The following NRG2 variants were observed in gnomAD, a reference collection of about 807,000 sequenced individuals.
NRG2 encodes pro-neuregulin-2, membrane-bound isoform.
In NRG2, 27 loss-of-function variants were observed where a neutral mutation model predicts 73.9. That is an observed-to-expected ratio of 0.37 (90% CI 0.27 to 0.50). NRG2 has a LOEUF of 0.50. Among genes scored for constraint, NRG2 ranks in the 20% least tolerant of loss-of-function variants. The pLI is 0.96. For synonymous variants in NRG2, 532 were observed against 541.0 expected (o/e 0.98, Z 0.23); for missense variants, 1,126 against 1,210.1 (o/e 0.93, Z 1.03).
At position 139,904,364 on chromosome 5, in the gene NRG2, C is replaced by G. The variant is rs531824840; in HGVS notation, c.701-16853G>C. ...TTCCTCCCCTCTGGGTGCTTCTTGCCGCGGCCGCGGCCCCTCCTCCTGGAC... is the reference window on the plus strand; with the variant it reads ...TTCCTCCCCTCTGGGTGCTTCTTGCGGCGGCCGCGGCCCCTCCTCCTGGAC... On this transcript the variant is annotated intron_variant, in intron 1 of 9. Coordinates refer to ENST00000361474, the MANE Select transcript of NRG2 (RefSeq NM_004883.3). This position sits in a 1 kb window ranked among gnomAD's most constrained non-coding sequence, Gnocchi z 6.0. 7.4e-5 allele frequency: 117 copies of G among 1,587,642 alleles called. No homozygotes were observed. In the South Asian group the frequency reaches 1.2e-3, roughly 16 times the overall value.
rs190131461 is a variant in NRG2, at chr5:139,962,074, C to T, written c.701-74563G>A. Among the ~76,000 whole-genome samples, 66 of 152,294 alleles carry T rather than the reference C, an allele frequency of 4.3e-4. 3 individuals carry two copies. In the East Asian group the frequency reaches 0.012, roughly 27 times the overall value. ...GCACACACAGTGGTCACCTGATTGC[C>T]TCTTCTACTCTATCTGTCTCCCTGG... On this transcript the variant is annotated intron_variant, in intron 1 of 9. Coordinates refer to ENST00000361474, the MANE Select transcript of NRG2 (RefSeq NM_004883.3).
At position 139,865,914 on chromosome 5, in the gene NRG2, A is replaced by G. The variant is rs1433473880; in HGVS notation, c.1113-289T>C. Reference sequence around the variant, plus strand: ...AAGATGGGAAATTGTCCTACTGGTCATTGAGACTTTCCTTCTTACCTGCCT... The same window carrying G: ...AAGATGGGAAATTGTCCTACTGGTCGTTGAGACTTTCCTTCTTACCTGCCT... On this transcript the variant is annotated intron_variant, in intron 4 of 9. Transcript: ENST00000361474. This position sits in a 1 kb window ranked among gnomAD's most constrained non-coding sequence, Gnocchi z 5.2. Among the ~76,000 whole-genome samples, 1 of 152,200 alleles carries G rather than the reference A, an allele frequency of 6.6e-6. No individual in the cohort carries two copies. Among genetic ancestry groups the G allele is most frequent in the Non-Finnish European group, 1.5e-5 (1 of 68,026 alleles).
At chr5:139,956,919 T>C (rs1754667189) in intron 1 of NRG2, among the ~76,000 whole-genome samples, 1 of 152,166 alleles carries the variant, frequency 6.6e-6, no homozygotes, top group Non-Finnish European at 1.5e-5. Context: ...GGCTACCATC[T>C]GGAGAAGATG....
At chr5:140,014,967 G>A (rs1759655039) in intron 1 of NRG2, among the ~76,000 whole-genome samples, 1 of 152,102 alleles carries the variant, frequency 6.6e-6, no homozygotes, top group East Asian at 1.9e-4. Context: ...CCCCAAACAT[G>A]CCAGGCATGC....
chr5:139,886,748 C>T (rs1186841653), intron 2 of NRG2, among the ~76,000 whole-genome samples: 1 of 152,192 alleles, frequency 6.6e-6, no homozygotes, highest in Admixed American at 6.5e-5. Context: ...CCTAGAGACT[C>T]AGGGAACTTC....
In NRG2 at chr5:140,016,910, G is replaced by A. The variant is rs183545361; in HGVS notation, c.700+25460C>T. Among the ~76,000 whole-genome samples, 330 of 152,330 alleles carry A rather than the reference G, an allele frequency of 2.2e-3. 2 individuals carry two copies. The highest frequency in any genetic ancestry group is 7.4e-3 in the African/African-American group (307 of 41,564). On this transcript the variant is annotated intron_variant, in intron 1 of 9. Coordinates refer to ENST00000361474, the MANE Select transcript of NRG2 (RefSeq NM_004883.3). ...GATGTTGCTGATGAAGTCAGCACAG[G>A]TGAGATCACACAGGGCCTTGGAGGC...
At chr5:139,873,187 G>A (rs1282529496) in intron 3 of NRG2, among the ~76,000 whole-genome samples, 5 of 152,126 alleles carry the variant, frequency 3.3e-5, no homozygotes, top group African/African-American at 9.7e-5. Flanking sequence ...GGGCAGGGCC[G>A]GCTTCACCAT....
chr5:139,946,761 A>G (rs1379081350), intron 1 of NRG2, among the ~76,000 whole-genome samples: 3 of 152,198 alleles, frequency 2.0e-5, no homozygotes, highest in Non-Finnish European at 1.5e-5. Context: ...CAGAATGCTT[A>G]CAACTCAACA....
chr5:139,935,014 A>C (rs538966576), intron 1 of NRG2, among the ~76,000 whole-genome samples: 2 of 152,126 alleles, frequency 1.3e-5, no homozygotes, highest in East Asian at 3.9e-4. Context: ...AAAATACAAA[A>C]CAATTAGCTG....
chr5:139,924,316 TG>T (rs1751891458), intron 1 of NRG2, among the ~76,000 whole-genome samples: 1 of 152,230 alleles, frequency 6.6e-6, no homozygotes, highest in African/African-American at 2.4e-5. Context: ...TAAATCTTTT[TG>T]GTTTGTGAGA....
At chr5:140,023,462 G>A (rs955857890) in intron 1 of NRG2, among the ~76,000 whole-genome samples, 1 of 151,996 alleles carries the variant, frequency 6.6e-6, no homozygotes, top group African/African-American at 2.4e-5. Context: ...TAATCTTCTC[G>A]TTCTCTGAAT....
At position 139,853,111 on chromosome 5, in the gene NRG2, G is replaced by C. The variant is rs1581769848; in HGVS notation, c.1293-84C>G. ...CCCTAGCTATCTCTCTAGGGAAACAGCTTTTCCTCCTGCCCAGGGTGGCCA... is the reference window on the plus strand; with the variant it reads ...CCCTAGCTATCTCTCTAGGGAAACACCTTTTCCTCCTGCCCAGGGTGGCCA... On this transcript the variant is annotated intron_variant, in intron 6 of 9. Transcript: ENST00000361474. This position sits in a 1 kb window ranked among gnomAD's most constrained non-coding sequence, Gnocchi z 4.1. The C allele has an allele frequency of 6.4e-6, 10 of 1,570,856 alleles. No homozygotes were observed. In the East Asian group the frequency reaches 2.3e-4, roughly 36 times the overall value.
chr5:140,042,356 A>T lies in NRG2; in HGVS notation c.700+14T>A, dbSNP rs537649368. ...CCTCCCCCCTTTCTCCAGCAAAGGG[A>T]GGGGGCGACTCACCGCAGTCAGTGC... On this transcript the variant is annotated intron_variant, in intron 1 of 9. Transcript: ENST00000361474. The T allele has an allele frequency of 1.0e-5, 14 of 1,392,746 alleles. 1 individual carries two copies. The African/African-American group carries it at 1.3e-4, about 13-fold the overall frequency. 86.3% of individuals were successfully genotyped at this position (1,392,746 alleles called of 1,614,324 possible).
intron 1 of NRG2, among the ~76,000 whole-genome samples, chr5:139,968,302 G>A (rs62383908): frequency 6.6e-6 from 1 of 152,244 alleles, no homozygotes; most frequent in African/African-American, 2.4e-5. Flanking sequence ...GAAAGAACGG[G>A]CCTCCGTGGT....
intron 1 of NRG2, among the ~76,000 whole-genome samples, chr5:140,031,774 C>T (rs1042886423): frequency 1.3e-4 from 20 of 152,260 alleles, no homozygotes; most frequent in Admixed American, 1.2e-3. Context: ...ATACCTATGG[C>T]CAAAGGCACC....
chr5:139,916,076 G>A (rs1234234208), intron 1 of NRG2, among the ~76,000 whole-genome samples: 2 of 152,152 alleles, frequency 1.3e-5, no homozygotes, highest in Admixed American at 6.5e-5. Flanking sequence ...CGTCATGCAG[G>A]GCAGAATGGA....
intron 1 of NRG2, among the ~76,000 whole-genome samples, chr5:139,945,030 T>G (rs1753704719): frequency 6.6e-6 from 1 of 152,186 alleles, no homozygotes; most frequent in South Asian, 2.1e-4. Flanking sequence ...TCATATATTG[T>G]GTGGCCTTTT....
intron 1 of NRG2, among the ~76,000 whole-genome samples, chr5:139,899,930 CCA>C (rs1764771178): frequency 6.6e-6 from 1 of 152,154 alleles, no homozygotes; most frequent in Admixed American, 6.5e-5. Flanking sequence ...TTTCTCTGCC[CCA>C]GTTTTCTCAT....
At chr5:139,977,049 C>T (rs1266169628) in intron 1 of NRG2, among the ~76,000 whole-genome samples, 1 of 152,098 alleles carries the variant, frequency 6.6e-6, no homozygotes, top group Non-Finnish European at 1.5e-5. Context: ...TCGCCCAGTG[C>T]CTGCCTCAAT....
Sources: allele counts gnomAD v4.1 joint callset (sites outside exome capture counted in the v4.1 genomes callset), GRCh38; gene constraint gnomAD v4.1.1; non-coding constraint Gnocchi (gnomAD v3.1); transcripts MANE v1.5; gene names NCBI Gene and HGNC (gene_info 2026-07-23, HGNC 2026-07-21).